The following NRG3 variants were observed in gnomAD, a reference collection of about 807,000 sequenced individuals.
NRG3 encodes the protein pro-neuregulin-3, membrane-bound isoform.
A neutral mutation model predicts 66.9 loss-of-function variants in NRG3; 31 were observed. The observed-to-expected ratio is 0.46, with a 90% CI of 0.35 to 0.63. The LOEUF (loss-of-function observed/expected upper bound fraction) is 0.63, where lower values mean the gene tolerates loss of function less well. Among genes scored for constraint, NRG3 ranks in the 20% least tolerant of loss-of-function variants. The probability of loss-of-function intolerance (pLI) is 0.00; values close to 1 mark genes in which losing one functional copy is unlikely to be tolerated. For synonymous variants in NRG3, 393 were observed against 359.4 expected (o/e 1.09, Z -1.06); for missense variants, 910 against 878.9 (o/e 1.04, Z -0.45).
chr10:81,953,477 T>C (rs968953306), intron 1 of NRG3, among the ~76,000 whole-genome samples: 1 of 152,222 alleles, frequency 6.6e-6, no homozygotes, highest in Non-Finnish European at 1.5e-5. Context: ...GACCTCAGTC[T>C]GTACCTTCCA....
intron 4 of NRG3, among the ~76,000 whole-genome samples, chr10:82,949,402 G>T (rs1017410112): frequency 1.3e-5 from 2 of 151,598 alleles, no homozygotes; most frequent in Non-Finnish European, 2.9e-5. Flanking sequence ...AATTTGAATC[G>T]ATTGTTTTTC....
chr10:82,233,365 A>AAAAAC lies in NRG3; in HGVS notation c.824-125354_824-125350dup, dbSNP rs561887883. ...GGGCGACAGAGCGAGACTCCATCTCAAAAACAAAACAAAACAAAACAAAAA... is the reference window on the plus strand; with the variant it reads ...GGGCGACAGAGCGAGACTCCATCTCAAAAACAAAACAAAACAAAACAAAACAAAAA... On this transcript the variant is annotated intron_variant, in intron 1 of 8. Transcript: ENST00000372141. Among the ~76,000 whole-genome samples the AAAAAC allele has an allele frequency of 2.6e-3, 391 of 152,298 alleles. 1 individual carries two copies. Among genetic ancestry groups the AAAAAC allele is most frequent in the African/African-American group, 8.8e-3 (367 of 41,564 alleles).
At chr10:82,217,527 C>G (rs2075747755) in intron 1 of NRG3, among the ~76,000 whole-genome samples, 1 of 152,200 alleles carries the variant, frequency 6.6e-6, no homozygotes. Flanking sequence ...TAGCTTCTGT[C>G]TTGGGCAACA....
At chr10:82,284,517 G>A (rs944194188) in intron 1 of NRG3, among the ~76,000 whole-genome samples, 3 of 152,116 alleles carry the variant, frequency 2.0e-5, no homozygotes, top group Non-Finnish European at 4.4e-5. Flanking sequence ...ATCATACTAG[G>A]CATTCAGATA....
chr10:81,960,474 G>T (rs1018556570), intron 1 of NRG3, among the ~76,000 whole-genome samples: 9 of 152,066 alleles, frequency 5.9e-5, no homozygotes, highest in African/African-American at 2.2e-4. Context: ...CTTATGAAAG[G>T]TTTGTAATTT....
At chr10:82,856,555 G>A (rs2063810389) in intron 3 of NRG3, among the ~76,000 whole-genome samples, 1 of 151,912 alleles carries the variant, frequency 6.6e-6, no homozygotes, top group South Asian at 2.1e-4. Context: ...GACCAGCCTG[G>A]CCAACATGGG....
At chr10:82,706,752 G>T (rs1381593878) in intron 2 of NRG3, among the ~76,000 whole-genome samples, 1 of 152,100 alleles carries the variant, frequency 6.6e-6, no homozygotes, top group Non-Finnish European at 1.5e-5. Context: ...CCAGCACTTT[G>T]GGAGGCTGAG....
intron 2 of NRG3, among the ~76,000 whole-genome samples, chr10:82,400,254 G>A (rs1018571284): frequency 5.3e-5 from 8 of 151,946 alleles, no homozygotes; most frequent in Admixed American, 3.3e-4. Flanking sequence ...CACACACCAC[G>A]CAGAAGGACC....
intron 6 of NRG3, among the ~76,000 whole-genome samples, chr10:82,964,892 G>C (rs1851054283): frequency 6.6e-6 from 1 of 152,180 alleles, no homozygotes; most frequent in Non-Finnish European, 1.5e-5. Context: ...AAACAATGCT[G>C]TTATTCTACT....
At chr10:82,690,265 A>ATAATT (rs1387899956) in intron 2 of NRG3, among the ~76,000 whole-genome samples, 10 of 133,376 alleles carry the variant, frequency 7.5e-5, no homozygotes, top group African/African-American at 2.6e-4. Context: ...TCTTAAACTT[A>ATAATT]GAATTGGCCA....
chr10:82,758,168 G>T (rs985893484), intron 3 of NRG3, among the ~76,000 whole-genome samples: 2 of 152,156 alleles, frequency 1.3e-5, no homozygotes, highest in Admixed American at 1.3e-4. Flanking sequence ...GTCATTTGAG[G>T]TTGACCTTTA....
chr10:82,121,825 A>G (rs190315962), intron 1 of NRG3, among the ~76,000 whole-genome samples: 3 of 151,914 alleles, frequency 2.0e-5, no homozygotes, highest in East Asian at 1.9e-4. Flanking sequence ...TTTTATAGAG[A>G]TGGTGTCTCA....
At chr10:82,833,935 G>T (rs983138021) in intron 3 of NRG3, among the ~76,000 whole-genome samples, 1 of 152,184 alleles carries the variant, frequency 6.6e-6, no homozygotes, top group Admixed American at 6.6e-5. Context: ...TGGGAGAATG[G>T]AGGTGAAGTG....
chr10:82,735,989 C>T lies in NRG3; in HGVS notation c.954-2588C>T, dbSNP rs566235663. ...ATTTGTGTTTTTTAAAACATATATT[C>T]CCCATTAAAGACTACACATGTACTT... On this transcript the variant is annotated intron_variant, in intron 2 of 8. Coordinates refer to ENST00000372141, the MANE Select transcript of NRG3 (RefSeq NM_001010848.4). Among the ~76,000 whole-genome samples the T allele has an allele frequency of 1.6e-3, 239 of 152,068 alleles. 5 individuals are homozygous for T. The highest frequency in any genetic ancestry group is 0.015 in the Admixed American group (236 of 15,264).
At chr10:82,536,397 G>A (rs1433265714) in intron 2 of NRG3, among the ~76,000 whole-genome samples, 2 of 152,116 alleles carry the variant, frequency 1.3e-5, no homozygotes, top group Non-Finnish European at 2.9e-5. Flanking sequence ...AATTAAATTT[G>A]TTTTACTCGC....
At chr10:82,169,886 C>T (rs1219783842) in intron 1 of NRG3, among the ~76,000 whole-genome samples, 2 of 150,850 alleles carry the variant, frequency 1.3e-5, no homozygotes, top group African/African-American at 4.9e-5. Flanking sequence ...CTTTATTCAC[C>T]TTTAAATGAG....
At chr10:82,709,356 G>T (rs1218002821) in intron 2 of NRG3, among the ~76,000 whole-genome samples, 9 of 147,996 alleles carry the variant, frequency 6.1e-5, no homozygotes, top group South Asian at 4.3e-4. Context: ...CCAGCAGCTG[G>T]TTTTTTTTTG....
chr10:82,529,591 A>T (rs1847061365), intron 2 of NRG3, among the ~76,000 whole-genome samples: 1 of 152,220 alleles, frequency 6.6e-6, no homozygotes, highest in Non-Finnish European at 1.5e-5. Flanking sequence ...ACAGAAGTGC[A>T]TGCTTAGAGA....
chr10:82,397,826 T>G (rs2086808471), intron 2 of NRG3, among the ~76,000 whole-genome samples: 1 of 152,044 alleles, frequency 6.6e-6, no homozygotes, highest in South Asian at 2.1e-4. Context: ...CTTTCAGACG[T>G]TTAATGAGAG....
Sources: allele counts gnomAD v4.1 joint callset (sites outside exome capture counted in the v4.1 genomes callset), GRCh38; gene constraint gnomAD v4.1.1; transcripts MANE v1.5; gene names NCBI Gene and HGNC (gene_info 2026-07-23, HGNC 2026-07-21).